SNTG1: variants seen among roughly 807,000 people sequenced by gnomAD.
The protein encoded by SNTG1 is syntrophin gamma 1.
A neutral mutation model predicts 74.7 loss-of-function variants in SNTG1; 39 were observed. That is an observed-to-expected ratio of 0.52 (90% CI 0.40 to 0.68). SNTG1 has a LOEUF of 0.68. Among genes scored for constraint, SNTG1 ranks in the 30% least tolerant of loss-of-function variants. SNTG1 has a pLI of 0.00. For missense variants in SNTG1, 685 were observed against 609.5 expected (o/e 1.12, Z -1.30); for synonymous variants, 254 against 217.1 (o/e 1.17, Z -1.49).
chr8:50,090,144 TC>T (rs2079664934), intron 1 of SNTG1, among the ~76,000 whole-genome samples: 1 of 152,218 alleles, frequency 6.6e-6, no homozygotes, highest in South Asian at 2.1e-4. Context: ...CTCTGCTTTT[TC>T]TTCTTAAATA....
chr8:50,743,154 A>T (rs571449245), intron 17 of SNTG1, among the ~76,000 whole-genome samples: 2 of 151,836 alleles, frequency 1.3e-5, no homozygotes, highest in African/African-American at 4.8e-5. Context: ...TCATTCTGTG[A>T]GGCCAACATT....
intron 13 of SNTG1, among the ~76,000 whole-genome samples, chr8:50,613,750 G>T (rs556504360): frequency 6.6e-4 from 100 of 150,986 alleles, no homozygotes; most frequent in Non-Finnish European, 1.2e-3. Flanking sequence ...CTTTTTAGAA[G>T]AAGTTTTTTA....
chr8:50,199,072 C>G (rs370011635), intron 2 of SNTG1, among the ~76,000 whole-genome samples: 18 of 152,234 alleles, frequency 1.2e-4, no homozygotes, highest in Admixed American at 7.2e-4. Flanking sequence ...GGAATGCATT[C>G]TCTGGGATGA....
intron 2 of SNTG1, among the ~76,000 whole-genome samples, chr8:50,345,441 GAATCTTTACTCTGTCTTCTGCA>G (rs527399889): frequency 1.1e-3 from 168 of 152,192 alleles, no homozygotes; most frequent in South Asian, 2.1e-3. Context: ...CTGCCCTCTT[GAATCTTTACTCTGTCTTCTGCA>G]TTTATGGCCC....
chr8:49,992,934 G>T (rs1445204179), intron 1 of SNTG1, among the ~76,000 whole-genome samples: 1 of 152,022 alleles, frequency 6.6e-6, no homozygotes. Flanking sequence ...TCACTTTCTT[G>T]GCTAGAGATT....
intron 1 of SNTG1, among the ~76,000 whole-genome samples, chr8:49,998,763 G>A (rs537204024): frequency 1.3e-5 from 2 of 151,912 alleles, no homozygotes; most frequent in Non-Finnish European, 1.5e-5. Context: ...CCTTCATCTG[G>A]ATACTTCCTG....
chr8:50,251,047 T>C (rs1178812465), intron 2 of SNTG1, among the ~76,000 whole-genome samples: 1 of 151,640 alleles, frequency 6.6e-6, no homozygotes, highest in Non-Finnish European at 1.5e-5. Context: ...ACATAGAAGA[T>C]AAATATACAA....
intron 15 of SNTG1, among the ~76,000 whole-genome samples, chr8:50,671,628 T>C (rs1032904084): frequency 1.1e-4 from 16 of 152,022 alleles, no homozygotes; most frequent in East Asian, 3.9e-4. Context: ...TTGTGGAAGT[T>C]AGTGTGGTGA....
At chr8:50,681,009 AG>A (rs1252732382) in intron 15 of SNTG1, among the ~76,000 whole-genome samples, 1 of 152,204 alleles carries the variant, frequency 6.6e-6, no homozygotes, top group Non-Finnish European at 1.5e-5. Context: ...CTTTTGTTTT[AG>A]GAGAAATGCT....
rs528724636 is a variant in SNTG1 at position 50,300,762 on chromosome 8, G to A, written c.-27-93450G>A. Among the ~76,000 whole-genome samples, 5 of 152,240 alleles carry A rather than the reference G, an allele frequency of 3.3e-5. No individual in the cohort carries two copies. In the East Asian group the frequency reaches 7.7e-4, roughly 23 times the overall value. On this transcript the variant is annotated intron_variant, in intron 2 of 18. Coordinates refer to ENST00000642720, the MANE Select transcript of SNTG1 (RefSeq NM_018967.5). ...TTTTAGCATTGGTTGTAAAGCAGGT[G>A]CTAGCAACAAATTTTATCTTTCTTT...
chr8:50,325,290 A>G (rs2090700231), intron 2 of SNTG1, among the ~76,000 whole-genome samples: 1 of 151,786 alleles, frequency 6.6e-6, no homozygotes, highest in South Asian at 2.1e-4. Context: ...GAATTGTAAT[A>G]AATCTATAAA....
chr8:50,719,352 C>T (rs973083905), intron 17 of SNTG1, among the ~76,000 whole-genome samples: 8 of 152,106 alleles, frequency 5.3e-5, no homozygotes, highest in African/African-American at 1.9e-4. Flanking sequence ...TGCCCTTCCT[C>T]CTTCTGCCAC....
At chr8:49,937,276 A>T (rs1439089928) in intron 1 of SNTG1, among the ~76,000 whole-genome samples, 1 of 152,144 alleles carries the variant, frequency 6.6e-6, no homozygotes, top group Non-Finnish European at 1.5e-5. Context: ...TACAAGCTAA[A>T]CTATAGTGGA....
At chr8:50,246,663 G>T (rs931284730) in intron 2 of SNTG1, among the ~76,000 whole-genome samples, 9 of 152,092 alleles carry the variant, frequency 5.9e-5, no homozygotes, top group African/African-American at 2.2e-4. Context: ...GTGAAGAAGG[G>T]CTCTTTGGTG....
At chr8:50,093,701 T>C (rs1229612592) in intron 1 of SNTG1, among the ~76,000 whole-genome samples, 6 of 152,024 alleles carry the variant, frequency 3.9e-5, no homozygotes, top group Admixed American at 2.0e-4. Flanking sequence ...TTATAAAGTA[T>C]AGGGGCAGTT....
intron 8 of SNTG1, among the ~76,000 whole-genome samples, chr8:50,459,326 T>C (rs2093538189): frequency 6.6e-6 from 1 of 152,212 alleles, no homozygotes; most frequent in Admixed American, 6.5e-5. Flanking sequence ...TCTGTTTATA[T>C]CTGATTGTTA....
chr8:50,216,452 G>T (rs2131952963), intron 2 of SNTG1, among the ~76,000 whole-genome samples: 1 of 152,190 alleles, frequency 6.6e-6, no homozygotes, highest in East Asian at 1.9e-4. Flanking sequence ...ATAAGAGTCT[G>T]GCATGAGGGA....
intron 1 of SNTG1, among the ~76,000 whole-genome samples, chr8:50,153,943 C>T (rs190294855): frequency 2.0e-4 from 31 of 152,284 alleles, no homozygotes; most frequent in Admixed American, 7.8e-4. Context: ...CAGACATGAA[C>T]ATTTAAGTCT....
At chr8:50,246,337 A>T (rs548285684) in intron 2 of SNTG1, among the ~76,000 whole-genome samples, 1 of 152,210 alleles carries the variant, frequency 6.6e-6, no homozygotes, top group South Asian at 2.1e-4. Flanking sequence ...CAATAAAAAT[A>T]TCAATCAGCT....
Sources: allele counts gnomAD v4.1 joint callset (sites outside exome capture counted in the v4.1 genomes callset), GRCh38; gene constraint gnomAD v4.1.1; transcripts MANE v1.5; gene names NCBI Gene and HGNC (gene_info 2026-07-23, HGNC 2026-07-21).